The following SLIT3 variants were observed in gnomAD, a reference collection of about 807,000 sequenced individuals.
SLIT3 encodes the protein slit homolog 3 protein.
SLIT3 carries 68 observed loss-of-function variants against 184.0 expected under a neutral mutation model. The ratio of observed to expected loss-of-function variants is 0.37; its 90% CI spans 0.30 to 0.45. The LOEUF (loss-of-function observed/expected upper bound fraction) is 0.45. Ranked by LOEUF, SLIT3 falls within the 20% of genes least tolerant of loss-of-function variation. SLIT3 has a pLI of 1.00. For missense variants in SLIT3, 1,707 were observed against 2,026.0 expected (o/e 0.84, Z 3.02); for synonymous variants, 831 against 828.6 (o/e 1.00, Z -0.05).
At chr5:169,154,454 G>A (rs1762232387) in intron 4 of SLIT3, among the ~76,000 whole-genome samples, 1 of 152,200 alleles carries the variant, frequency 6.6e-6, no homozygotes, top group Admixed American at 6.5e-5. Flanking sequence ...TAGTCCTAGG[G>A]TTCTAGGTCC....
chr5:169,290,878 T>C (rs756996557), intron 1 of SLIT3, among the ~76,000 whole-genome samples: 4 of 152,028 alleles, frequency 2.6e-5, no homozygotes, highest in Non-Finnish European at 5.9e-5. Context: ...GGGTGTACAC[T>C]AGGGAATACA....
At position 168,768,324 on chromosome 5, in the gene SLIT3, G is replaced by A. The variant is rs41275329; in HGVS notation, c.1459+4457C>T. The A allele has an allele frequency of 1.8e-4, 85 of 465,700 alleles. 1 individual carries two copies. The highest frequency in any genetic ancestry group is 3.0e-4 in the Non-Finnish European group (68 of 227,600). 28.8% of individuals were successfully genotyped at this position (465,700 alleles called of 1,614,324 possible). A position where few individuals can be genotyped will look rare whatever the true frequency, so the allele number is the denominator to read the frequency against. ...CTCAGAGGAAGCAGCGTGGAGAAGC[G>A]GAAGCCGGAGCAGGCCCCCACTGAG... On this transcript the variant is annotated intron_variant, in intron 14 of 35. Coordinates refer to ENST00000519560, the MANE Select transcript of SLIT3 (RefSeq NM_003062.4).
At chr5:169,225,991 G>C (rs1214874073) in intron 3 of SLIT3, among the ~76,000 whole-genome samples, 2 of 152,170 alleles carry the variant, frequency 1.3e-5, no homozygotes, top group African/African-American at 4.8e-5. Context: ...CTTTGAGCAA[G>C]AGAAGATAAT....
chr5:168,677,298 CAG>C (rs1761445705), intron 32 of SLIT3, among the ~76,000 whole-genome samples: 1 of 152,122 alleles, frequency 6.6e-6, no homozygotes, highest in Admixed American at 6.5e-5. Context: ...TAGTAAGAGA[CAG>C]GGGTCTTGCT....
chr5:169,200,883 T>A (rs2113487096), intron 3 of SLIT3, among the ~76,000 whole-genome samples: 1 of 152,354 alleles, frequency 6.6e-6, no homozygotes. Flanking sequence ...GTGATGGTTG[T>A]TGGTTTATAC....
At chr5:169,121,464 C>T (rs780330739) in intron 4 of SLIT3, among the ~76,000 whole-genome samples, 10 of 152,118 alleles carry the variant, frequency 6.6e-5, no homozygotes, top group Non-Finnish European at 1.5e-4. Flanking sequence ...TCCTGCCTGT[C>T]CTAAGTATTT....
At chr5:169,187,579 C>T (rs1364660525) in intron 4 of SLIT3, among the ~76,000 whole-genome samples, 1 of 138,962 alleles carries the variant, frequency 7.2e-6, no homozygotes, top group Non-Finnish European at 1.5e-5. Flanking sequence ...TTTTTTGAGA[C>T]AGTCTCGCTC....
chr5:169,248,017 T>G (rs1323224420), intron 2 of SLIT3, among the ~76,000 whole-genome samples: 1 of 151,824 alleles, frequency 6.6e-6, no homozygotes, highest in African/African-American at 2.4e-5. Flanking sequence ...GGAGGAAGAG[T>G]GTGGTTGGGG....
rs183960505 is a variant in SLIT3, at chr5:169,099,607, A to G, written c.413+93872T>C. ...TTACAGATATGACAATTCAGCCTGT[A>G]AGTAGTCACACAGCTATTAGGGGCT... On this transcript the variant is annotated intron_variant, in intron 4 of 35. Coordinates refer to ENST00000519560, the MANE Select transcript of SLIT3 (RefSeq NM_003062.4). Among the ~76,000 whole-genome samples, 619 of 152,342 alleles carry G rather than the reference A, an allele frequency of 4.1e-3. 3 individuals carry two copies. The highest frequency in any genetic ancestry group is 6.9e-3 in the Non-Finnish European group (468 of 68,030).
chr5:168,686,888 G>C (rs1446863939), intron 30 of SLIT3, 91 bp downstream of exon 30: 1 of 1,510,312 alleles, frequency 6.6e-7, no homozygotes, highest in African/African-American at 1.4e-5. Flanking sequence ...ACCTGGGCCT[G>C]AGTCTCCATT....
intron 4 of SLIT3, among the ~76,000 whole-genome samples, chr5:169,152,594 T>C (rs1399451837): frequency 2.0e-5 from 3 of 152,116 alleles, no homozygotes; most frequent in Non-Finnish European, 2.9e-5. Flanking sequence ...CAGGTGAGTA[T>C]ATGGGCTGAG....
intron 4 of SLIT3, among the ~76,000 whole-genome samples, chr5:169,153,965 C>T (rs1289289364): frequency 6.6e-6 from 1 of 150,906 alleles, no homozygotes; most frequent in Non-Finnish European, 1.5e-5. Context: ...CCTTGATGCT[C>T]CCAGCCTTTT....
chr5:169,175,635 A>C (rs1169912922), intron 4 of SLIT3, among the ~76,000 whole-genome samples: 1 of 152,140 alleles, frequency 6.6e-6, no homozygotes, highest in African/African-American at 2.4e-5. Flanking sequence ...TTTCCACTAT[A>C]TCTTCTCGTC....
At chr5:168,991,082 G>A (rs915560590) in intron 4 of SLIT3, among the ~76,000 whole-genome samples, 4 of 152,152 alleles carry the variant, frequency 2.6e-5, no homozygotes, top group Admixed American at 6.5e-5. Context: ...AACTGGCACC[G>A]CTGGGAGGTG....
intron 20 of SLIT3, among the ~76,000 whole-genome samples, chr5:168,738,541 A>G (rs1763509170): frequency 6.6e-6 from 1 of 152,232 alleles, no homozygotes; most frequent in Non-Finnish European, 1.5e-5. Context: ...TTCATGGAAC[A>G]CTGTTTTTAC....
intron 4 of SLIT3, among the ~76,000 whole-genome samples, chr5:169,131,537 C>T (rs576773786): frequency 6.6e-6 from 1 of 152,340 alleles, no homozygotes; most frequent in South Asian, 2.1e-4. Context: ...GAATTAGTTT[C>T]TTTATCTTTT....
chr5:168,814,074 G>A (rs1365994043), intron 8 of SLIT3, among the ~76,000 whole-genome samples: 1 of 152,142 alleles, frequency 6.6e-6, no homozygotes, highest in African/African-American at 2.4e-5. Flanking sequence ...TAGCTTGAAT[G>A]AGGGGCATTT....
chr5:168,861,205 C>T (rs933738796), intron 5 of SLIT3, among the ~76,000 whole-genome samples: 24 of 152,248 alleles, frequency 1.6e-4, no homozygotes, highest in African/African-American at 5.1e-4. Context: ...GTGCTGCACC[C>T]ATTAACTCGT....
At chr5:168,724,366 C>G (rs73324007) in intron 21 of SLIT3, 50 bp downstream of exon 21, 3 of 1,495,394 alleles carry the variant, frequency 2.0e-6, no homozygotes, top group Non-Finnish European at 2.8e-6. Flanking sequence ...GTTTCCTGAG[C>G]GACCCCAGCA....
Sources: allele counts gnomAD v4.1 joint callset (sites outside exome capture counted in the v4.1 genomes callset), GRCh38; gene constraint gnomAD v4.1.1; transcripts MANE v1.5; gene names NCBI Gene and HGNC (gene_info 2026-07-23, HGNC 2026-07-21).